Variants in DIXDC1 observed in about 807,000 individuals in gnomAD.
DIXDC1 encodes dixin.
DIXDC1 carries 64 observed loss-of-function variants against 103.1 expected under a neutral mutation model. The ratio of observed to expected loss-of-function variants is 0.62; its 90% CI spans 0.51 to 0.76. The LOEUF (loss-of-function observed/expected upper bound fraction) is 0.76. Ranked by LOEUF, DIXDC1 falls within the 30% of genes least tolerant of loss-of-function variation. The pLI is 0.00. For missense variants in DIXDC1, 759 were observed against 834.2 expected (o/e 0.91, Z 1.11); for synonymous variants, 266 against 298.5 (o/e 0.89, Z 1.12).
At chr11:111,966,974 C>T (rs868988584) in intron 2 of DIXDC1, among the ~76,000 whole-genome samples, 3 of 151,978 alleles carry the variant, frequency 2.0e-5, no homozygotes, top group South Asian at 2.1e-4. Flanking sequence ...TAGTTGATAA[C>T]GCCCTTCTCT....
chr11:111,973,909 T>A, intron 3 of DIXDC1, 114 bp from the exon 4 acceptor site: 1 of 938,252 alleles, frequency 1.1e-6, no homozygotes, highest in Non-Finnish European at 1.6e-6. Flanking sequence ...AGACCCTGAC[T>A]GCCTTGCTTA....
In DIXDC1 at chr11:111,974,935, A is replaced by G; in HGVS notation, c.608A>G (p.Gln203Arg). ...NPYWSVRALV[Q>R]QYEGQQRSPS... ...TACTGGAGTGTGCGGGCCCTAGTGC[A>G]GCAGTACGAAGGGCAACAAAGGTCC... Residue 203 changes from glutamine (Q) to arginine (R), a missense_variant, in exon 5 of 20, where the codon CAG (glutamine) becomes CGG (arginine). Physicochemically the swap from Gln to Arg is conservative, Grantham distance 43 (BLOSUM62 1). Transcript: ENST00000440460. 1 of 1,613,610 alleles carries G rather than the reference A, an allele frequency of 6.2e-7. No homozygotes were observed. The highest frequency in any genetic ancestry group is 8.5e-7 in the Non-Finnish European group (1 of 1,179,814).
chr11:111,947,449 A>G (rs1966634551), intron 1 of DIXDC1, among the ~76,000 whole-genome samples: 3 of 152,226 alleles, frequency 2.0e-5, no homozygotes, highest in Admixed American at 2.0e-4. Flanking sequence ...CTCTTTGAAG[A>G]CAAAACTGCT....
At chr11:111,993,426 C>T in intron 12 of DIXDC1, 70 bp from the exon 13 acceptor site, 1 of 1,552,884 alleles carries the variant, frequency 6.4e-7, no homozygotes, top group African/African-American at 1.4e-5. Context: ...GTGGAAGTTA[C>T]ACTGCAGAGG....
intron 11 of DIXDC1, 95 bp from the exon 12 acceptor site, chr11:111,992,856 G>T (rs1256913619): frequency 7.8e-7 from 1 of 1,275,020 alleles, no homozygotes; most frequent in Admixed American, 2.1e-5. Context: ...GCTGCATACT[G>T]TAACTGCCAA....
At chr11:111,929,833 C>T (rs1555167476) in exon 2 of DIXDC1, 1 of 1,527,770 alleles carries the variant, frequency 6.5e-7, no homozygotes, top group Non-Finnish European at 8.8e-7. Flanking sequence ...CCTGATTCGT[C>T]TCTTCTAGGG....
At chr11:111,983,383 A>C (rs1860386173) in intron 7 of DIXDC1, among the ~76,000 whole-genome samples, 1 of 152,206 alleles carries the variant, frequency 6.6e-6, no homozygotes, top group Non-Finnish European at 1.5e-5. Context: ...AGCAATTTGC[A>C]TAACGTATGC....
chr11:111,950,432 ATATATATTTTTTTTTTTTTTTT>A (rs1273080554), intron 1 of DIXDC1, among the ~76,000 whole-genome samples: 1 of 21,194 alleles, frequency 4.7e-5, no homozygotes, highest in African/African-American at 2.9e-4. Flanking sequence ...ATATATATAT[ATATATATTTTTTTTTTTTTTTT>A]TTTTTTTTTT....
At chr11:111,939,978 A>G (rs1305575442) in intron 1 of DIXDC1, among the ~76,000 whole-genome samples, 1 of 152,174 alleles carries the variant, frequency 6.6e-6, no homozygotes, top group Non-Finnish European at 1.5e-5. Context: ...AGTACATCTA[A>G]AGCTATTCTT....
intron 17 of DIXDC1, among the ~76,000 whole-genome samples, chr11:112,002,490 T>G (rs1861100180): frequency 6.6e-6 from 1 of 152,194 alleles, no homozygotes; most frequent in Admixed American, 6.5e-5. Context: ...TTTATTGCAG[T>G]ACTATTTCCA....
chr11:111,980,322 C>T (rs1355390213), intron 5 of DIXDC1, among the ~76,000 whole-genome samples: 1 of 152,138 alleles, frequency 6.6e-6, no homozygotes, highest in Admixed American at 6.5e-5. Flanking sequence ...ATAAAATTTC[C>T]TTCTAGCTCC....
rs1861750929 is a variant in DIXDC1, at chr11:112,021,283, G to A, written c.*2247G>A. 2 of 152,042 alleles carry A rather than the reference G, an allele frequency of 1.3e-5. No homozygotes were observed. Among genetic ancestry groups the A allele is most frequent in the Non-Finnish European group, 2.9e-5 (2 of 68,016 alleles). 9.4% of individuals were successfully genotyped at this position (152,042 alleles called of 1,614,324 possible). A position where few individuals can be genotyped will look rare whatever the true frequency, so the allele number is the denominator to read the frequency against. ...GATCGTTTTTTTTCCCTTTTAGCTC[G>A]GTAATCTCATGTACCACAGGTAATG... is the stretch of plus-strand genomic sequence containing the variant. On this transcript the variant is annotated 3_prime_UTR_variant, in exon 20 of 20. Coordinates refer to ENST00000440460, the MANE Select transcript of DIXDC1 (RefSeq NM_001037954.4).
rs587684441 is a variant in DIXDC1, at chr11:111,937,513, T to C, written c.14T>C (p.Leu5Pro). The C allele has an allele frequency of 1.9e-6, 3 of 1,594,712 alleles. No homozygotes were observed. Among genetic ancestry groups the C allele is most frequent in the South Asian group, 2.3e-5 (2 of 87,612 alleles). Residue 5 changes from leucine to proline, a missense_variant, in exon 1 of 20, where the codon CTG becomes CCG. Transcript: ENST00000440460. MLACLTRGNLLDVLQ... is the reference protein window; with the variant it reads MLACPTRGNLLDVLQ... Reference sequence around the variant, plus strand: ...CCAGCAGGAACAATGCTAGCCTGCCTGACCCGAGGGAACTTACTGGACGTC... The same window carrying C: ...CCAGCAGGAACAATGCTAGCCTGCCCGACCCGAGGGAACTTACTGGACGTC...
chr11:111,952,071 G>T (rs1304792250), intron 1 of DIXDC1, among the ~76,000 whole-genome samples: 8 of 152,074 alleles, frequency 5.3e-5, no homozygotes, highest in Non-Finnish European at 1.2e-4. Context: ...TCACCATGTT[G>T]GGCAGGCTGG....
chr11:111,938,201 G>C (rs1966286114), intron 1 of DIXDC1, among the ~76,000 whole-genome samples: 1 of 152,188 alleles, frequency 6.6e-6, no homozygotes, highest in African/African-American at 2.4e-5. Context: ...CACTCTGACA[G>C]GCAAGATGGG....
intron 17 of DIXDC1, among the ~76,000 whole-genome samples, chr11:112,013,852 A>G (rs782594817): frequency 2.6e-5 from 4 of 152,146 alleles, no homozygotes; most frequent in African/African-American, 7.2e-5. Flanking sequence ...TTGGCTCACA[A>G]TTCGGCTGGC....
rs147736735 is a variant in DIXDC1, at chr11:112,003,068, G to T, written c.1756+6922G>T. Among the ~76,000 whole-genome samples, 180 of 152,274 alleles carry T rather than the reference G, an allele frequency of 1.2e-3. 2 individuals are homozygous for T. The Middle Eastern group carries it at 0.014, about 12-fold the overall frequency. The stretch of plus-strand genomic sequence containing the variant: ...ATCTCATGGAGATAGAGAGTTGATT[G>T]GTGGTAACCAGAGGCTGGGAAGGCT... On this transcript the variant is annotated intron_variant, in intron 17 of 19. Coordinates refer to ENST00000440460, the MANE Select transcript of DIXDC1 (RefSeq NM_001037954.4).
At chr11:112,016,584 G>T in intron 17 of DIXDC1, 107 bp from the exon 18 acceptor site, 1 of 859,046 alleles carries the variant, frequency 1.2e-6, no homozygotes, top group South Asian at 1.9e-5. Flanking sequence ...TGAGAGCTGT[G>T]GGCTGTGACC....
rs1421716315 is a variant in DIXDC1, at chr11:111,977,567, C to T, written c.656+2584C>T. 6.7e-7 allele frequency: 1 copy of T among 1,489,274 alleles called. No homozygotes were observed. Among genetic ancestry groups the T allele is most frequent in the Non-Finnish European group, 8.9e-7 (1 of 1,119,150 alleles). The allele number at this position is 1,489,274 out of a possible 1,614,324, so 92.3% of individuals were successfully genotyped here. On this transcript the variant is annotated intron_variant, in intron 5 of 19. Coordinates refer to ENST00000440460, the MANE Select transcript of DIXDC1 (RefSeq NM_001037954.4). This position sits in a 1 kb window ranked among gnomAD's most constrained non-coding sequence, Gnocchi z 6.1. ...GCTTCAGAGCCTGGAGCATCCCAGTCGCTGGGGCCGAGACGCCGCCGCCGC... is the reference window on the plus strand; with the variant it reads ...GCTTCAGAGCCTGGAGCATCCCAGTTGCTGGGGCCGAGACGCCGCCGCCGC...
Sources: gnomAD v4.1 joint callset for allele counts (sites outside exome capture counted in the v4.1 genomes callset) on GRCh38, gnomAD v4.1.1 for gene constraint, Gnocchi (gnomAD v3.1) non-coding constraint, MANE v1.5 for transcripts, NCBI Gene and HGNC (gene_info 2026-07-23, HGNC 2026-07-21) for gene names.